LMO3: variants seen among roughly 807,000 people sequenced by gnomAD.
LMO3 encodes LIM domain only 3, also known as LIM domain only protein 3.
In LMO3, 2 loss-of-function variants were observed where a neutral mutation model predicts 15.8. That is an observed-to-expected ratio of 0.13 (90% CI 0.05 to 0.40). The LOEUF is 0.40. Among genes scored for constraint, LMO3 ranks in the 10% least tolerant of loss-of-function variants. The probability of loss-of-function intolerance (pLI) is 0.99; values close to 1 mark genes in which losing one functional copy is unlikely to be tolerated. For missense variants in LMO3, 86 were observed against 182.2 expected (o/e 0.47, Z 3.04); for synonymous variants, 62 against 63.8 (o/e 0.97, Z 0.13).
chr12:16,549,441 T>G lies in LMO3; in HGVS notation c.*1781A>C, dbSNP rs1473401597. On this transcript the variant is annotated 3_prime_UTR_variant, in exon 4 of 4. Coordinates refer to ENST00000537304, the MANE Select transcript of LMO3 (RefSeq NM_018640.5). ...TAAAAATAAGAGGCAATATCCAGATTCACATGCATGTTCATAATAAAGCTT... is the reference window on the plus strand; with the variant it reads ...TAAAAATAAGAGGCAATATCCAGATGCACATGCATGTTCATAATAAAGCTT... The G allele has an allele frequency of 6.6e-6, 1 of 152,542 alleles. No individual in the cohort carries two copies. The highest frequency in any genetic ancestry group is 1.5e-5 in the Non-Finnish European group (1 of 67,990). The allele number at this position is 152,542 out of a possible 1,614,324, so 9.4% of individuals were successfully genotyped here.
intron 2 of LMO3, among the ~76,000 whole-genome samples, chr12:16,562,495 G>A (rs905919996): frequency 1.3e-5 from 2 of 151,992 alleles, no homozygotes; most frequent in Non-Finnish European, 2.9e-5. Context: ...AATTGCTCTC[G>A]CTAGCTGAGC....
At chr12:16,551,823 C>T (rs1942001295) in intron 3 of LMO3, among the ~76,000 whole-genome samples, 1 of 151,898 alleles carries the variant, frequency 6.6e-6, no homozygotes, top group Admixed American at 6.6e-5. Flanking sequence ...CTTTCTTTTA[C>T]TCTGTTATTA....
rs768229760 is a variant in LMO3 at position 16,603,131 on chromosome 12, AC to A, written c.-8-2264del. Reference sequence around the variant, plus strand: ...GATACCAACATTTGGCACAAGTAACACTACCCTACTTGTCTTCACAAAATGT... The same window carrying A: ...GATACCAACATTTGGCACAAGTAACATACCCTACTTGTCTTCACAAAATGT... On this transcript the variant is annotated intron_variant, in intron 1 of 3. Transcript: ENST00000537304. The surrounding 1 kb of genome is among the most constrained non-coding windows in gnomAD (Gnocchi z 4.9). Among the ~76,000 whole-genome samples, 1 of 152,212 alleles carries A rather than the reference AC, an allele frequency of 6.6e-6. No individual in the cohort carries two copies.
intron 3 of LMO3, among the ~76,000 whole-genome samples, chr12:16,554,823 A>AT (rs926913489): frequency 4.6e-5 from 7 of 151,920 alleles, no homozygotes; most frequent in Admixed American, 2.0e-4. Flanking sequence ...CGACCGGCTC[A>AT]TTTTTTTGTA....
At position 16,598,951 on chromosome 12, in the gene LMO3, TA is replaced by T; in HGVS notation, c.206+1703del. 1 of 307,600 alleles carries T rather than the reference TA, an allele frequency of 3.3e-6. No homozygotes were observed. The allele number at this position is 307,600 out of a possible 1,614,324, so 19.1% of individuals were successfully genotyped here. A position where few individuals can be genotyped will look rare whatever the true frequency, so the allele number is the denominator to read the frequency against. On this transcript the variant is annotated intron_variant, in intron 2 of 3. Coordinates refer to ENST00000537304, the MANE Select transcript of LMO3 (RefSeq NM_018640.5). This position sits in a 1 kb window ranked among gnomAD's most constrained non-coding sequence, Gnocchi z 4.3. ...AAACTCCTTATTTGAAATGGTAACA[TA>T]AATCCACTTGAGATACTGAAATTAC...
chr12:16,588,026 C>T (rs527710137), intron 2 of LMO3, among the ~76,000 whole-genome samples: 3 of 152,180 alleles, frequency 2.0e-5, no homozygotes, highest in Non-Finnish European at 4.4e-5. Context: ...CTTTCCCAAG[C>T]TTTGGTATTT....
intron 3 of LMO3, among the ~76,000 whole-genome samples, chr12:16,557,955 GATA>G (rs1451049070): frequency 6.6e-6 from 1 of 151,924 alleles, no homozygotes; most frequent in Non-Finnish European, 1.5e-5. Context: ...TGATAATACT[GATA>G]ATATTTACAG....
rs1255051019 is a variant in LMO3, at chr12:16,586,516, A to G, written c.206+14139T>C. Among the ~76,000 whole-genome samples the G allele has an allele frequency of 6.6e-6, 1 of 152,154 alleles. No homozygotes were observed. Among genetic ancestry groups the G allele is most frequent in the Non-Finnish European group, 1.5e-5 (1 of 68,012 alleles). On this transcript the variant is annotated intron_variant, in intron 2 of 3. Coordinates refer to ENST00000537304, the MANE Select transcript of LMO3 (RefSeq NM_018640.5). The surrounding 1 kb of genome is among the most constrained non-coding windows in gnomAD (Gnocchi z 4.3). Reference sequence around the variant, plus strand: ...CATTATCTTCTACGTCCACAGAAAAAAATCTGTTGTATAATATTGTCAGAT... The same window carrying G: ...CATTATCTTCTACGTCCACAGAAAAGAATCTGTTGTATAATATTGTCAGAT...
At chr12:16,561,941 T>C (rs1942421407) in intron 2 of LMO3, among the ~76,000 whole-genome samples, 1 of 152,198 alleles carries the variant, frequency 6.6e-6, no homozygotes, top group Admixed American at 6.5e-5. Flanking sequence ...TTCAAGAAGA[T>C]CAAATTCATA....
rs1943695756 is a variant in LMO3, at chr12:16,597,516, GA to G, written c.206+3138del. The G allele has an allele frequency of 6.6e-6, 1 of 151,718 alleles. No individual in the cohort carries two copies. The highest frequency in any genetic ancestry group is 1.5e-5 in the Non-Finnish European group (1 of 67,752). The allele number at this position is 151,718 out of a possible 1,614,324, so 9.4% of individuals were successfully genotyped here. A position where few individuals can be genotyped will look rare whatever the true frequency, so the allele number is the denominator to read the frequency against. ...GTTTCTTTCTTTCTGTTTATGGAGG[GA>G]GAAGTGTATTAAGAAGCTAAATGTA... On this transcript the variant is annotated intron_variant, in intron 2 of 3. Transcript: ENST00000537304. This position sits in a 1 kb window ranked among gnomAD's most constrained non-coding sequence, Gnocchi z 5.0.
Position 16,589,234 on chromosome 12 carries a change from A to G in LMO3, c.206+11421T>C, listed in dbSNP as rs903754153. Reference sequence around the variant, plus strand: ...GTGATATTCACAGAAGATTATAACAACAGTAGATGAATGCATCCTAATAGG... The same window carrying G: ...GTGATATTCACAGAAGATTATAACAGCAGTAGATGAATGCATCCTAATAGG... On this transcript the variant is annotated intron_variant, in intron 2 of 3. Transcript: ENST00000537304. The surrounding 1 kb of genome is among the most constrained non-coding windows in gnomAD (Gnocchi z 4.2). Among the ~76,000 whole-genome samples, 5 of 152,148 alleles carry G rather than the reference A, an allele frequency of 3.3e-5. No individual in the cohort carries two copies. The highest frequency in any genetic ancestry group is 1.2e-4 in the African/African-American group (5 of 41,454).
upstream of LMO3, chr12:16,610,122 T>TTG (rs1944095278): frequency 6.6e-6 from 1 of 152,322 alleles, no homozygotes; most frequent in Middle Eastern, 3.4e-3. Flanking sequence ...CTTCCTGTCT[T>TTG]TCTTGTGTGC....
In LMO3 at chr12:16,589,755, G is replaced by C. The variant is rs189211796; in HGVS notation, c.206+10900C>G. Among the ~76,000 whole-genome samples the C allele has an allele frequency of 7.0e-4, 107 of 152,174 alleles. 1 individual carries two copies. The highest frequency in any genetic ancestry group is 1.1e-3 in the Non-Finnish European group (72 of 67,988). ...CCTTGGAAGACGAGGATCACCAAGTGATTAGGAATATAGGTTCCTCAACTC... is the reference window on the plus strand; with the variant it reads ...CCTTGGAAGACGAGGATCACCAAGTCATTAGGAATATAGGTTCCTCAACTC... On this transcript the variant is annotated intron_variant, in intron 2 of 3. Coordinates refer to ENST00000537304, the MANE Select transcript of LMO3 (RefSeq NM_018640.5). The surrounding 1 kb of genome is among the most constrained non-coding windows in gnomAD (Gnocchi z 4.2).
intron 3 of LMO3, among the ~76,000 whole-genome samples, chr12:16,556,810 C>G (rs776613593): frequency 6.6e-6 from 1 of 152,004 alleles, no homozygotes; most frequent in African/African-American, 2.4e-5. Context: ...GCTGACTTCC[C>G]GCATTAGTTT....
intron 2 of LMO3, among the ~76,000 whole-genome samples, chr12:16,566,050 AC>A (rs1330602484): frequency 5.0e-5 from 6 of 119,106 alleles, no homozygotes; most frequent in Non-Finnish European, 8.5e-5. Context: ...AAAATGGAGT[AC>A]TATTCAGCCA....
chr12:16,599,510 C>T lies in LMO3; in HGVS notation c.206+1145G>A, dbSNP rs1041197731. 2 of 152,088 alleles carry T rather than the reference C, an allele frequency of 1.3e-5. No individual in the cohort carries two copies. Among genetic ancestry groups the T allele is most frequent in the Non-Finnish European group, 1.5e-5 (1 of 68,022 alleles). 9.4% of individuals were successfully genotyped at this position (152,088 alleles called of 1,614,324 possible). ...CCAAATTCCCTAGAAAACACCTCAT[C>T]AAATGACCAAGGTACTAAAGGAGTT... is the stretch of plus-strand genomic sequence containing the variant. On this transcript the variant is annotated intron_variant, in intron 2 of 3. Coordinates refer to ENST00000537304, the MANE Select transcript of LMO3 (RefSeq NM_018640.5). The surrounding 1 kb of genome is among the most constrained non-coding windows in gnomAD (Gnocchi z 4.1).
chr12:16,577,267 C>T lies in LMO3; in HGVS notation c.207-16729G>A, dbSNP rs987764250. On this transcript the variant is annotated intron_variant, in intron 2 of 3. Coordinates refer to ENST00000537304, the MANE Select transcript of LMO3 (RefSeq NM_018640.5). ...AACACCCACCTGAATTCTGAAAGGC[C>T]GTAAACTTTCTTCTTTTTAGGATCA... 2.0e-5 allele frequency among the ~76,000 whole-genome samples: 3 copies of T among 152,190 alleles called. No homozygotes were observed. The East Asian group carries it at 5.8e-4, about 29-fold the overall frequency.
At chr12:16,557,367 ATTTTTT>A (rs68115649) in intron 3 of LMO3, among the ~76,000 whole-genome samples, 1 of 142,724 alleles carries the variant, frequency 7.0e-6, no homozygotes, top group Admixed American at 7.0e-5. Flanking sequence ...GGTGGCAAGG[ATTTTTT>A]TTTTTTTTTT....
At chr12:16,594,946 C>T (rs923981292) in intron 2 of LMO3, among the ~76,000 whole-genome samples, 1 of 151,256 alleles carries the variant, frequency 6.6e-6, no homozygotes, top group Non-Finnish European at 1.5e-5. Context: ...CTAAGAGCAA[C>T]CAAAAATAGA....
Sources: allele counts gnomAD v4.1 joint callset (sites outside exome capture counted in the v4.1 genomes callset), GRCh38; gene constraint gnomAD v4.1.1; non-coding constraint Gnocchi (gnomAD v3.1); transcripts MANE v1.5; gene names NCBI Gene and HGNC (gene_info 2026-07-23, HGNC 2026-07-21).